UGT1A4: variants seen among roughly 807,000 people sequenced by gnomAD.
The protein encoded by UGT1A4 is UDP glucuronosyltransferase family 1 member A4.
A neutral mutation model predicts 41.1 loss-of-function variants in UGT1A4; 32 were observed. That is an observed-to-expected ratio of 0.78 (90% CI 0.59 to 1.05). The LOEUF (loss-of-function observed/expected upper bound fraction) is 1.05, where lower values mean the gene tolerates loss of function less well. UGT1A4 is among the 50% of genes least tolerant of loss of function. The pLI is 0.00. For synonymous variants in UGT1A4, 283 were observed against 265.1 expected, an observed-to-expected ratio of 1.07 and a Z score of -0.66; for missense variants, 748 against 677.4, an observed-to-expected ratio of 1.10 and a Z score of -1.16.
At chr2:233,765,738 C>T (rs1341217365) in intron 1 of UGT1A4, among the ~76,000 whole-genome samples, 1 of 147,306 alleles carries the variant, frequency 6.8e-6, no homozygotes, top group Non-Finnish European at 1.5e-5. Flanking sequence ...AATAAATAAA[C>T]CCATAAAGCC....
chr2:233,761,574 C>T (rs1697805225), intron 1 of UGT1A4, among the ~76,000 whole-genome samples: 1 of 152,176 alleles, frequency 6.6e-6, no homozygotes, highest in Admixed American at 6.5e-5. Flanking sequence ...TGAAAGTTGC[C>T]TTTGTGACCC....
chr2:233,718,796 T>A lies in UGT1A4; in HGVS notation c.-25T>A, dbSNP rs1241026493. 7 of 1,613,058 alleles carry A rather than the reference T, an allele frequency of 4.3e-6. No homozygotes were observed. Among genetic ancestry groups the A allele is most frequent in the Non-Finnish European group, 5.1e-6 (6 of 1,179,984 alleles). On this transcript the variant is annotated 5_prime_UTR_variant, in exon 1 of 5. Coordinates refer to ENST00000373409, the MANE Select transcript of UGT1A4 (RefSeq NM_007120.3). Reference sequence around the variant, plus strand: ...AGCAGGCACAGCGTGGGGTGGACAGTCAGCTGTCGGTGGCTTCTGCTGAGA... The same window carrying A: ...AGCAGGCACAGCGTGGGGTGGACAGACAGCTGTCGGTGGCTTCTGCTGAGA...
chr2:233,751,877 G>T (rs567472475), intron 1 of UGT1A4, among the ~76,000 whole-genome samples: 1 of 152,132 alleles, frequency 6.6e-6, no homozygotes, highest in Admixed American at 6.5e-5. Flanking sequence ...ACCCCGTCTT[G>T]GGTATGTCTT....
chr2:233,719,052 A>T lies in UGT1A4; in HGVS notation c.232A>T (p.Thr78Ser), dbSNP rs200903552. Residue 78 changes from threonine to serine, a missense_variant, in exon 1 of 5, where the codon ACA becomes TCA. Transcript: ENST00000373409. ...CAAAGAAGAGAAATTTTTCACCCTG[A>T]CAGCCTATGCTGTTCCATGGACCCA... ...HIKEEKFFTL[T>S]AYAVPWTQKE... 1 of 1,614,270 alleles carries T rather than the reference A, an allele frequency of 6.2e-7. No homozygotes were observed. The highest frequency in any genetic ancestry group is 8.5e-7 in the Non-Finnish European group (1 of 1,180,042).
intron 4 of UGT1A4, chr2:233,771,117 G>A (rs1700240855): frequency 6.6e-6 from 1 of 152,076 alleles, no homozygotes; most frequent in Admixed American, 6.6e-5. Context: ...AAGCACAAGG[G>A]ATCCGACCCC....
chr2:233,729,115 T>G (rs376445258), intron 1 of UGT1A4: 49 of 1,612,840 alleles, frequency 3.0e-5, no homozygotes, highest in Non-Finnish European at 3.5e-5. Context: ...GCTGTCCGTG[T>G]CTTCTGCTGA....
At chr2:233,737,324 G>A (rs1000160542) in intron 1 of UGT1A4, among the ~76,000 whole-genome samples, 2 of 152,246 alleles carry the variant, frequency 1.3e-5, no homozygotes, top group Non-Finnish European at 2.9e-5. Context: ...TGCTGCACTA[G>A]CAGTGAGCAA....
rs45547931 is a variant in UGT1A4 at position 233,729,802 on chromosome 2, G to A, written c.867+10115G>A. ...TCTGGCCCTGTCCTACATTTGCCAT[G>A]CTTTTTCTGCTCCTTATGCAAGCCT... On this transcript the variant is annotated intron_variant, in intron 1 of 4. Transcript: ENST00000373409. 1.3e-5 allele frequency: 21 copies of A among 1,613,942 alleles called. No homozygotes were observed. The East Asian group carries it at 3.8e-4, about 29-fold the overall frequency.
At chr2:233,772,160 G>A in intron 4 of UGT1A4, 102 bp from the exon 5 acceptor site, 1 of 1,565,444 alleles carries the variant, frequency 6.4e-7, no homozygotes, top group Non-Finnish European at 8.7e-7. Flanking sequence ...CCTTTCCCAA[G>A]TTTGGAAAAT....
At chr2:233,759,599 A>ACCCCCCCCCCCCCCCC (rs1553620419) in intron 1 of UGT1A4, among the ~76,000 whole-genome samples, 4 of 108,738 alleles carry the variant, frequency 3.7e-5, no homozygotes, top group East Asian at 3.1e-4. Flanking sequence ...CCCACCCCCG[A>ACCCCCCCCCCCCCCCC]CCCGCCCCAC....
At chr2:233,767,515 T>G (rs1699410322) in intron 2 of UGT1A4, among the ~76,000 whole-genome samples, 1 of 152,264 alleles carries the variant, frequency 6.6e-6, no homozygotes, top group Admixed American at 6.5e-5. Flanking sequence ...GTTAGAACAC[T>G]GAATTTATGT....
intron 1 of UGT1A4, among the ~76,000 whole-genome samples, chr2:233,738,401 T>G (rs1318254464): frequency 6.6e-6 from 1 of 152,210 alleles, no homozygotes; most frequent in African/African-American, 2.4e-5. Context: ...GACTTGGAAC[T>G]GGGTAACAGG....
At chr2:233,747,972 G>T in intron 1 of UGT1A4, 1 of 1,613,464 alleles carries the variant, frequency 6.2e-7, no homozygotes, top group South Asian at 1.1e-5. Flanking sequence ...CCATGCATCT[G>T]TGTGGCTGTT....
intron 1 of UGT1A4, among the ~76,000 whole-genome samples, chr2:233,720,053 A>T (rs2076826594): frequency 6.6e-6 from 1 of 152,182 alleles, no homozygotes; most frequent in Non-Finnish European, 1.5e-5. Flanking sequence ...CTGAACGGTG[A>T]TGCAACAGTA....
At chr2:233,729,306 C>T (rs146717613) in intron 1 of UGT1A4, 13 of 1,614,122 alleles carry the variant, frequency 8.1e-6, no homozygotes, top group Non-Finnish European at 1.1e-5. Flanking sequence ...AGGCAGTGGT[C>T]CTCACCCCAG....
rs890288877 is a variant in UGT1A4, at chr2:233,747,512, C to T, written c.868-19522C>T. ...TTGTGCTGGGCCACACTCAACTGTA[C>T]TTTGAAACAGAACATTTTCTGAAGA... On this transcript the variant is annotated intron_variant, in intron 1 of 4. Transcript: ENST00000373409. The T allele has an allele frequency of 5.6e-6, 9 of 1,607,598 alleles. No homozygotes were observed. In the South Asian group the frequency reaches 8.8e-5, roughly 16 times the overall value.
In UGT1A4 at chr2:233,768,348, G is replaced by T; in HGVS notation, c.1216G>T (p.Glu406Ter). 1 of 1,614,198 alleles carries T rather than the reference G, an allele frequency of 6.2e-7. No homozygotes were observed. Among genetic ancestry groups the T allele is most frequent in the Non-Finnish European group, 8.5e-7 (1 of 1,180,042 alleles). The change falls in exon 4 of 5, where the codon GAG becomes TAG. Residue 406 changes from glutamate to a stop codon, truncating the protein, a stop_gained. Coordinates refer to ENST00000373409, the MANE Select transcript of UGT1A4 (RefSeq NM_007120.3). LOFTEE classifies it high-confidence loss of function. The part of the protein sequence containing the change: ...GDQMDNAKRM[E>*]TKGAGVTLNV... ...TCAGATGGACAATGCAAAGCGCATG[G>T]AGACTAAGGGAGCTGGAGTGACCCT...
intron 1 of UGT1A4, among the ~76,000 whole-genome samples, chr2:233,757,344 G>C (rs1023299797): frequency 6.6e-6 from 1 of 150,900 alleles, no homozygotes; most frequent in Non-Finnish European, 1.5e-5. Flanking sequence ...ATGACAGCTG[G>C]GTCTGAGAGA....
intron 1 of UGT1A4, among the ~76,000 whole-genome samples, chr2:233,724,482 A>T (rs1472429927): frequency 6.4e-4 from 41 of 64,386 alleles, no homozygotes; most frequent in South Asian, 1.8e-3. Flanking sequence ...CACTTCTCAG[A>T]CGGGGCGGCC....
Sources: gnomAD v4.1 joint callset for allele counts (sites outside exome capture counted in the v4.1 genomes callset) on GRCh38, gnomAD v4.1.1 for gene constraint, MANE v1.5 for transcripts, NCBI Gene and HGNC (gene_info 2026-07-23, HGNC 2026-07-21) for gene names.